Variants in SMC5 observed in about 807,000 individuals in gnomAD.
SMC5 encodes the protein structural maintenance of chromosomes 5, also known as structural maintenance of chromosomes protein 5.
A neutral mutation model predicts 148.3 loss-of-function variants in SMC5; 88 were observed. The ratio of observed to expected loss-of-function variants is 0.59; its 90% confidence interval spans 0.50 to 0.71. The LOEUF is 0.71. Among genes scored for constraint, SMC5 ranks in the 30% least tolerant of loss-of-function variants. The probability of loss-of-function intolerance (pLI) is 0.00; values close to 1 mark genes in which losing one functional copy is unlikely to be tolerated. For missense variants in SMC5, 1,142 were observed against 1,298.9 expected, an observed-to-expected ratio of 0.88 and a Z score of 1.86; for synonymous variants, 421 against 432.8, an observed-to-expected ratio of 0.97 and a Z score of 0.34.
At chr9:70,298,696 T>G (rs2035275570) in intron 9 of SMC5, among the ~76,000 whole-genome samples, 1 of 151,758 alleles carries the variant, frequency 6.6e-6, no homozygotes, top group South Asian at 2.1e-4. Flanking sequence ...TTAAAAAAAT[T>G]TTATATGTTT....
At chr9:70,295,375 G>T (rs2118349843) in intron 8 of SMC5, among the ~76,000 whole-genome samples, 1 of 151,544 alleles carries the variant, frequency 6.6e-6, no homozygotes, top group Admixed American at 6.6e-5. Flanking sequence ...GGAGGCTGAG[G>T]CAGGAGAATG....
intron 17 of SMC5, among the ~76,000 whole-genome samples, chr9:70,330,548 C>CTTTT (rs71505381): frequency 7.8e-6 from 1 of 128,882 alleles, no homozygotes; most frequent in Non-Finnish European, 1.6e-5. Context: ...ATGTAACTTT[C>CTTTT]TTTTTTTTTT....
At chr9:70,334,134 T>TG (rs1239942467) in intron 17 of SMC5, among the ~76,000 whole-genome samples, 1 of 151,452 alleles carries the variant, frequency 6.6e-6, no homozygotes, top group East Asian at 1.9e-4. Flanking sequence ...TTGTTGTTTT[T>TG]TTTTTTTTTT....
chr9:70,347,766 G>T, intron 21 of SMC5, 49 bp downstream of exon 21: 2 of 1,305,474 alleles, frequency 1.5e-6, no homozygotes, highest in South Asian at 1.4e-5. Context: ...TTAATGAAAT[G>T]GGAATGTAGA....
chr9:70,273,410 A>G (rs920614436), intron 3 of SMC5, among the ~76,000 whole-genome samples: 8 of 151,966 alleles, frequency 5.3e-5, no homozygotes, highest in Non-Finnish European at 8.8e-5. Context: ...ACAAAACAGT[A>G]TGTCTTCTAA....
At chr9:70,276,723 G>A (rs984403533) in intron 3 of SMC5, among the ~76,000 whole-genome samples, 2 of 152,164 alleles carry the variant, frequency 1.3e-5, no homozygotes, top group Non-Finnish European at 2.9e-5. Context: ...TTCTAAAAGC[G>A]AGAAATAAGT....
At chr9:70,300,311 G>C (rs2035324978) in intron 10 of SMC5, 111 bp downstream of exon 10, 2 of 951,600 alleles carry the variant, frequency 2.1e-6, no homozygotes, top group Admixed American at 3.4e-5. Flanking sequence ...TATCAGACTT[G>C]TGGCATCTGG....
chr9:70,350,719 G>A (rs952302214), intron 24 of SMC5, among the ~76,000 whole-genome samples: 2 of 152,054 alleles, frequency 1.3e-5, no homozygotes, highest in Non-Finnish European at 2.9e-5. Flanking sequence ...TCTAGAAAAG[G>A]TACTCTTTCA....
chr9:70,259,196 C>G lies in SMC5; in HGVS notation c.118C>G (p.Pro40Ala). 1 of 1,609,260 alleles carries G rather than the reference C, an allele frequency of 6.2e-7. No homozygotes were observed. Among genetic ancestry groups the G allele is most frequent in the Non-Finnish European group, 8.5e-7 (1 of 1,177,698 alleles). Residue 40 changes from proline (P) to alanine (A), a missense_variant, in exon 1 of 25, where the codon CCG becomes GCG. Physicochemically the swap from Pro to Ala is conservative, Grantham distance 27 (BLOSUM62 -1). This residue lies in a region of SMC5 where 297 missense variants were observed against 302.6 expected (regional missense o/e 0.98). Coordinates refer to ENST00000361138, the MANE Select transcript of SMC5 (RefSeq NM_015110.4). Reference sequence around the variant, plus strand: ...GAGGAAGAATTCGGCCCCGCAGCTGCCGCTGTTGCAGTCGTCCGGGCCTTT... The same window carrying G: ...GAGGAAGAATTCGGCCCCGCAGCTGGCGCTGTTGCAGTCGTCCGGGCCTTT... The part of the protein sequence containing the change: ...SKRKNSAPQL[P>A]LLQSSGPFVE...
intron 13 of SMC5, among the ~76,000 whole-genome samples, chr9:70,316,920 A>C (rs866270445): frequency 9.9e-5 from 15 of 152,130 alleles, no homozygotes; most frequent in Admixed American, 1.3e-4. Context: ...TGTTTTCATT[A>C]ATCTTAATCT....
In SMC5 at chr9:70,298,475, T is replaced by C. The variant is rs371487338; in HGVS notation, c.1309+254T>C. On this transcript the variant is annotated intron_variant, in intron 9 of 24. Transcript: ENST00000361138. ...AATAATTCTCTATAAATGCCTAGCTTTATTTTCTTTACAAAGTCACTCACT... is the reference window on the plus strand; with the variant it reads ...AATAATTCTCTATAAATGCCTAGCTCTATTTTCTTTACAAAGTCACTCACT... Among the ~76,000 whole-genome samples the C allele has an allele frequency of 5.9e-5, 9 of 152,128 alleles. No individual in the cohort carries two copies. The South Asian group carries it at 1.9e-3, about 31-fold the overall frequency.
chr9:70,288,289 T>G (rs2034962888), intron 8 of SMC5, among the ~76,000 whole-genome samples: 1 of 152,192 alleles, frequency 6.6e-6, no homozygotes, highest in Non-Finnish European at 1.5e-5. Flanking sequence ...TTTTCAGGCT[T>G]ATGCAGACCT....
At chr9:70,266,232 A>T (rs951038900) in intron 2 of SMC5, among the ~76,000 whole-genome samples, 2 of 152,120 alleles carry the variant, frequency 1.3e-5, no homozygotes, top group Non-Finnish European at 2.9e-5. Flanking sequence ...TCCCCTTAAG[A>T]TTATAAATTA....
At chr9:70,347,450 T>TA (rs1289313545) in intron 20 of SMC5, among the ~76,000 whole-genome samples, 163 bp from the exon 21 acceptor site, 1 of 152,232 alleles carries the variant, frequency 6.6e-6, no homozygotes, top group African/African-American at 2.4e-5. Context: ...TTTTCAAGGA[T>TA]AAAAAATGTC....
At chr9:70,346,020 A>G (rs1348520254) in intron 18 of SMC5, among the ~76,000 whole-genome samples, 1 of 152,118 alleles carries the variant, frequency 6.6e-6, no homozygotes, top group Non-Finnish European at 1.5e-5. Flanking sequence ...GAACCCCTAA[A>G]TTTTTCACCT....
chr9:70,286,186 G>A lies in SMC5; in HGVS notation c.982-14G>A, dbSNP rs746069627. On this transcript the variant is annotated splice_polypyrimidine_tract_variant and intron_variant, in intron 7 of 24. Transcript: ENST00000361138. Reference sequence around the variant, plus strand: ...AACTAGCTGTCCCCCCCTCTCCCCGGTTTAATTTTACAGGCAACAGATATT... The same window carrying A: ...AACTAGCTGTCCCCCCCTCTCCCCGATTTAATTTTACAGGCAACAGATATT... The A allele has an allele frequency of 6.5e-7, 1 of 1,532,740 alleles. No individual in the cohort carries two copies. The highest frequency in any genetic ancestry group is 1.2e-5 in the South Asian group (1 of 86,126). The allele number at this position is 1,532,740 out of a possible 1,614,324, so 94.9% of individuals were successfully genotyped here.
intron 8 of SMC5, among the ~76,000 whole-genome samples, chr9:70,287,536 C>G (rs1379051908): frequency 6.6e-6 from 1 of 152,108 alleles, no homozygotes; most frequent in Non-Finnish European, 1.5e-5. Flanking sequence ...AAATTACCTG[C>G]CTTGGGGGTA....
rs1366257797 is a variant in SMC5, at chr9:70,259,000, CTGGGTGGATGGGCGCT to C, written c.-74_-59del. 21 of 1,458,282 alleles carry C rather than the reference CTGGGTGGATGGGCGCT, an allele frequency of 1.4e-5. No individual in the cohort carries two copies. In the East Asian group the frequency reaches 2.3e-4, roughly 16 times the overall value. 90.3% of individuals were successfully genotyped at this position (1,458,282 alleles called of 1,614,324 possible). On this transcript the variant is annotated 5_prime_UTR_variant, in exon 1 of 25. An upstream start codon of the reference 5' UTR is lost. Coordinates refer to ENST00000361138, the MANE Select transcript of SMC5 (RefSeq NM_015110.4). Reference sequence around the variant, plus strand: ...GGCAGTTCGCGCGGGAGCGGGGCGCCTGGGTGGATGGGCGCTTGGGCGCCTGGGCTGCCGGACGGTG... The same window carrying C: ...GGCAGTTCGCGCGGGAGCGGGGCGCCTGGGCGCCTGGGCTGCCGGACGGTG...
chr9:70,305,171 C>G (rs2118469569), intron 10 of SMC5, 76 bp from the exon 11 acceptor site: 2 of 638,454 alleles, frequency 3.1e-6, no homozygotes, highest in East Asian at 2.8e-5. Flanking sequence ...CTAATTAAAT[C>G]CAATTTTAAT....
Sources: allele counts gnomAD v4.1 joint callset (sites outside exome capture counted in the v4.1 genomes callset), GRCh38; gene constraint gnomAD v4.1.1; regional missense constraint gnomAD v4.1.1; transcripts MANE v1.5; gene names NCBI Gene and HGNC (gene_info 2026-07-23, HGNC 2026-07-21).